Variants in GSE1 observed in about 807,000 individuals in gnomAD.
The protein encoded by GSE1 is Gse1 coiled-coil protein, also known as genetic suppressor element 1.
In GSE1, 32 loss-of-function variants were observed where a neutral mutation model predicts 112.6. The observed-to-expected ratio is 0.28, with a 90% CI of 0.21 to 0.38. The LOEUF (loss-of-function observed/expected upper bound fraction) is 0.38. Among genes scored for constraint, GSE1 ranks in the 10% least tolerant of loss-of-function variants. The pLI is 1.00. For synonymous variants in GSE1, 1,115 were observed against 735.6 expected (o/e 1.52, Z -8.35); for missense variants, 2,348 against 1,699.2 (o/e 1.38, Z -6.71).
intron 1 of GSE1, among the ~76,000 whole-genome samples, chr16:85,605,567 T>G (rs946553497): frequency 1.3e-5 from 2 of 152,056 alleles, no homozygotes; most frequent in East Asian, 3.9e-4. Context: ...GACACGTTCC[T>G]TGCAGGGCAG....
At chr16:85,422,576 G>C (rs2048873687) in intron 2 of GSE1, among the ~76,000 whole-genome samples, 1 of 133,424 alleles carries the variant, frequency 7.5e-6, no homozygotes, top group South Asian at 2.5e-4. Context: ...CCCTGTTCTG[G>C]CCAAAAGAAA....
chr16:85,469,527 C>T lies in GSE1; in HGVS notation c.2464+111884C>T, dbSNP rs114215707. On this transcript the variant is annotated intron_variant, in intron 2 of 2. Coordinates refer to the GSE1 transcript ENST00000637419. ...TGTTTTTAGTCACCCAGTTTGTCGCCGTTTGTTAAGGCAATACTAGGACAC... is the reference window on the plus strand; with the variant it reads ...TGTTTTTAGTCACCCAGTTTGTCGCTGTTTGTTAAGGCAATACTAGGACAC... Among the ~76,000 whole-genome samples the T allele has an allele frequency of 3.3e-3, 501 of 152,246 alleles. 1 individual carries two copies. Among genetic ancestry groups the T allele is most frequent in the African/African-American group, 0.011 (473 of 41,548 alleles).
Position 85,373,159 on chromosome 16 carries a change from A to G in GSE1, c.2464+15516A>G, listed in dbSNP as rs570072203. ...AGCAACAGCAGCAGCCAATGTGGCC[A>G]TGGGATGCCGGCTCCTTGTCCACCA... On this transcript the variant is annotated intron_variant, in intron 2 of 2. Transcript: ENST00000637419. This position sits in a 1 kb window ranked among gnomAD's most constrained non-coding sequence, Gnocchi z 5.1. Among the ~76,000 whole-genome samples, 1 of 152,358 alleles carries G rather than the reference A, an allele frequency of 6.6e-6. No individual in the cohort carries two copies. The highest frequency in any genetic ancestry group is 1.5e-5 in the Non-Finnish European group (1 of 68,030).
upstream of GSE1, among the ~76,000 whole-genome samples, chr16:85,608,221 G>A (rs934949553): frequency 3.3e-5 from 5 of 152,130 alleles, no homozygotes; most frequent in African/African-American, 9.7e-5. Context: ...CACCTTCACC[G>A]ATGCGTAGGG....
intron 1 of GSE1, among the ~76,000 whole-genome samples, chr16:85,570,963 C>T (rs905910735): frequency 1.3e-5 from 2 of 152,132 alleles, no homozygotes; most frequent in African/African-American, 4.8e-5. Flanking sequence ...GGACTTCCTG[C>T]AGGAGGTGGT....
intron 2 of GSE1, among the ~76,000 whole-genome samples, chr16:85,541,448 G>A (rs1372892384): frequency 6.6e-6 from 1 of 152,234 alleles, no homozygotes; most frequent in African/African-American, 2.4e-5. Flanking sequence ...TGTCCCCACT[G>A]CCCCAGCTGA....
intron 1 of GSE1, among the ~76,000 whole-genome samples, chr16:85,337,662 C>A (rs2046531168): frequency 6.6e-6 from 1 of 151,960 alleles, no homozygotes; most frequent in South Asian, 2.1e-4. Context: ...GGGCTGGGGG[C>A]CAGTCACCTG....
At chr16:85,232,730 G>A (rs1316047903) in intron 1 of GSE1, among the ~76,000 whole-genome samples, 1 of 152,258 alleles carries the variant, frequency 6.6e-6, no homozygotes, top group African/African-American at 2.4e-5. Flanking sequence ...TCTGCCCAGA[G>A]CGCCAGCTCC....
rs1216158753 is a variant in GSE1 at position 85,519,538 on chromosome 16, CATCACTATT to C, written c.2465-114374_2465-114366del. Reference sequence around the variant, plus strand: ...CCATCATCATCACCTTCACCACCATCATCACTATTACCACCATCACTATCATCATCACCA... The same window carrying C: ...CCATCATCATCACCTTCACCACCATCACCACCATCACTATCATCATCACCA... On this transcript the variant is annotated intron_variant, in intron 2 of 2. Coordinates refer to the GSE1 transcript ENST00000637419. 1.9e-4 allele frequency among the ~76,000 whole-genome samples: 5 copies of C among 26,818 alleles called. 2 individuals are homozygous for C. Among genetic ancestry groups the C allele is most frequent in the African/African-American group, 6.7e-4 (3 of 4,470 alleles). 17.6% of individuals were successfully genotyped at this position (26,818 alleles called of 152,430 possible).
At chr16:85,492,089 C>A (rs151132786) in intron 2 of GSE1, among the ~76,000 whole-genome samples, 5 of 152,220 alleles carry the variant, frequency 3.3e-5, no homozygotes, top group Non-Finnish European at 5.9e-5. Flanking sequence ...TGGACACGCC[C>A]GCCCCTCCGA....
intron 1 of GSE1, among the ~76,000 whole-genome samples, chr16:85,328,976 A>C (rs1206134282): frequency 2.6e-5 from 4 of 152,166 alleles, no homozygotes; most frequent in African/African-American, 9.7e-5. Flanking sequence ...TGGGGGCCCC[A>C]ACCCTTCATC....
At chr16:85,481,986 C>T (rs1432317484) in intron 2 of GSE1, among the ~76,000 whole-genome samples, 2 of 152,266 alleles carry the variant, frequency 1.3e-5, no homozygotes, top group Non-Finnish European at 2.9e-5. Flanking sequence ...GGCCGATGCC[C>T]TCGCCGGGAC....
chr16:85,202,757 G>A (rs919376057), intron 1 of GSE1, among the ~76,000 whole-genome samples: 2 of 152,214 alleles, frequency 1.3e-5, no homozygotes, highest in Admixed American at 6.5e-5. Flanking sequence ...GTCTGTTCTC[G>A]CCTGGAGCCC....
chr16:85,187,222 C>G (rs564573700), intron 1 of GSE1, among the ~76,000 whole-genome samples: 1 of 152,362 alleles, frequency 6.6e-6, no homozygotes, highest in African/African-American at 2.4e-5. Flanking sequence ...TCCCTTGTGA[C>G]TGTGGCTGCA....
At chr16:85,519,287 C>CGGT (rs2052060784) in intron 2 of GSE1, among the ~76,000 whole-genome samples, 1 of 111,914 alleles carries the variant, frequency 8.9e-6, no homozygotes, top group South Asian at 3.7e-4. Context: ...ACCATCACCA[C>CGGT]CACCATCACC....
At chr16:85,296,805 G>C (rs1358785501) in intron 1 of GSE1, among the ~76,000 whole-genome samples, 1 of 151,116 alleles carries the variant, frequency 6.6e-6, no homozygotes, top group African/African-American at 2.4e-5. Flanking sequence ...GGAAGGGACT[G>C]TCACTTGCTG....
chr16:85,414,279 T>A (rs1263427094), intron 2 of GSE1, among the ~76,000 whole-genome samples: 2 of 152,240 alleles, frequency 1.3e-5, no homozygotes, highest in African/African-American at 4.8e-5. Flanking sequence ...AGCTGGTATT[T>A]CGGGAACTGC....
chr16:85,647,528 T>C (rs2050974433), intron 2 of GSE1, among the ~76,000 whole-genome samples: 1 of 152,194 alleles, frequency 6.6e-6, no homozygotes, highest in South Asian at 2.1e-4. Context: ...CCATTTGGGC[T>C]TCCTCAGCCA....
At chr16:85,253,596 G>C (rs1012609862) in intron 1 of GSE1, among the ~76,000 whole-genome samples, 3 of 152,214 alleles carry the variant, frequency 2.0e-5, no homozygotes, top group Non-Finnish European at 4.4e-5. Flanking sequence ...GGTGGGCTAT[G>C]GCACAGTGTG....
Sources: allele counts gnomAD v4.1 joint callset (sites outside exome capture counted in the v4.1 genomes callset), GRCh38; gene constraint gnomAD v4.1.1; non-coding constraint Gnocchi (gnomAD v3.1); transcripts MANE v1.5; gene names NCBI Gene and HGNC (gene_info 2026-07-23, HGNC 2026-07-21).